The following SCHIP1 variants were observed in gnomAD, a reference collection of about 807,000 sequenced individuals.
SCHIP1 encodes schwannomin-interacting protein 1.
Under a neutral mutation model 29.7 loss-of-function variants are expected in SCHIP1, and 8 were observed. The observed-to-expected ratio is 0.27, with a 90% CI of 0.16 to 0.49. The LOEUF (loss-of-function observed/expected upper bound fraction) is 0.49, where lower values mean the gene tolerates loss of function less well. Among genes scored for constraint, SCHIP1 ranks in the 20% least tolerant of loss-of-function variants. The pLI is 0.99. For synonymous variants in SCHIP1, 76 were observed against 94.9 expected, an observed-to-expected ratio of 0.80 and a Z score of 1.16; for missense variants, 193 against 294.6, an observed-to-expected ratio of 0.66 and a Z score of 2.52.
the SCHIP1 span, among the ~76,000 whole-genome samples, chr3:159,599,098 T>C: frequency 6.6e-6 from 1 of 152,194 alleles, no homozygotes; most frequent in African/African-American, 2.4e-5. Flanking sequence ...AGTCTATAGG[T>C]GACTTTATTG....
At chr3:159,401,470 AATTTT>A in the SCHIP1 span, 8 of 549,854 alleles carry the variant, frequency 1.5e-5, no homozygotes, top group African/African-American at 1.2e-4. Flanking sequence ...GCACAGGCAT[AATTTT>A]ATTTTACCCT....
At chr3:159,320,489 A>G in the SCHIP1 span, among the ~76,000 whole-genome samples, 1 of 152,168 alleles carries the variant, frequency 6.6e-6, no homozygotes, top group Admixed American at 6.5e-5. Context: ...ACTGAGTAAG[A>G]CACTTTGGCT....
At chr3:159,729,655 G>T in the SCHIP1 span, among the ~76,000 whole-genome samples, 1 of 152,092 alleles carries the variant, frequency 6.6e-6, no homozygotes, top group Non-Finnish European at 1.5e-5. Context: ...ATATGTAACT[G>T]AATCTTGATA....
chr3:159,355,394 A>G, the SCHIP1 span, among the ~76,000 whole-genome samples: 1 of 152,154 alleles, frequency 6.6e-6, no homozygotes, highest in South Asian at 2.1e-4. Context: ...CAACGCTGTT[A>G]CTGTGTCAGA....
upstream of SCHIP1, among the ~76,000 whole-genome samples, chr3:159,839,628 C>CTTTTTTTTTTTTTTTTTTTTTTTTTTT: frequency 1.4e-5 from 1 of 71,710 alleles, no homozygotes; most frequent in Non-Finnish European, 2.4e-5. Context: ...AGGTCTTTTT[C>CTTTTTTTTTTTTTTTTTTTTTTTTTTT]TTTTTTTTTT....
the SCHIP1 span, among the ~76,000 whole-genome samples, chr3:159,536,251 C>A: frequency 1.3e-5 from 2 of 152,288 alleles, no homozygotes; most frequent in South Asian, 4.1e-4. Flanking sequence ...TCCCCTCCCC[C>A]ATATCTATTC....
the SCHIP1 span, among the ~76,000 whole-genome samples, chr3:159,298,699 A>G: frequency 6.6e-6 from 1 of 151,986 alleles, no homozygotes; most frequent in Non-Finnish European, 1.5e-5. Flanking sequence ...CAAGTGCTAC[A>G]GAAGCCTCCG....
the SCHIP1 span, among the ~76,000 whole-genome samples, chr3:159,441,674 A>G: frequency 2.6e-5 from 4 of 152,116 alleles, no homozygotes; most frequent in African/African-American, 4.8e-5. Flanking sequence ...AAACACACCA[A>G]TACAAAAATC....
At chr3:159,728,003 T>G in the SCHIP1 span, among the ~76,000 whole-genome samples, 11 of 132,852 alleles carry the variant, frequency 8.3e-5, no homozygotes, top group Non-Finnish European at 1.8e-4. Context: ...CCTGTTTTTG[T>G]TTTTTTTTTT....
At chr3:159,742,979 G>A in the SCHIP1 span, among the ~76,000 whole-genome samples, 4 of 151,578 alleles carry the variant, frequency 2.6e-5, no homozygotes, top group Admixed American at 6.6e-5. Flanking sequence ...GAGCCACCAC[G>A]CCGGGCCTTG....
the SCHIP1 span, among the ~76,000 whole-genome samples, chr3:159,402,262 G>T: frequency 1.1e-4 from 16 of 152,076 alleles, no homozygotes; most frequent in African/African-American, 9.6e-5. Context: ...AATGGCGATC[G>T]TTAAAAAGTC....
chr3:159,418,942 T>C, the SCHIP1 span, among the ~76,000 whole-genome samples: 1 of 152,360 alleles, frequency 6.6e-6, no homozygotes, highest in East Asian at 1.9e-4. Flanking sequence ...TTATGTACTG[T>C]GTGGGTTTAA....
At chr3:159,567,827 C>A in the SCHIP1 span, among the ~76,000 whole-genome samples, 1 of 151,994 alleles carries the variant, frequency 6.6e-6, no homozygotes, top group Non-Finnish European at 1.5e-5. Context: ...TTTTATAATC[C>A]TTGTTTTCAA....
chr3:159,816,976 A>G, the SCHIP1 span, among the ~76,000 whole-genome samples: 1 of 152,164 alleles, frequency 6.6e-6, no homozygotes, highest in African/African-American at 2.4e-5. Context: ...AACCAATTAT[A>G]TATATTGTGC....
At chr3:159,623,482 C>T in the SCHIP1 span, among the ~76,000 whole-genome samples, 13 of 152,138 alleles carry the variant, frequency 8.5e-5, no homozygotes, top group South Asian at 2.7e-3. Context: ...AAAAATTAGC[C>T]GGGCATGGTG....
chr3:159,367,891 C>A, the SCHIP1 span, among the ~76,000 whole-genome samples: 2 of 152,112 alleles, frequency 1.3e-5, no homozygotes, highest in Non-Finnish European at 2.9e-5. Context: ...CATTAAAAAT[C>A]CATGCTTTGG....
At chr3:159,349,994 A>G in the SCHIP1 span, among the ~76,000 whole-genome samples, 1 of 152,142 alleles carries the variant, frequency 6.6e-6, no homozygotes, top group African/African-American at 2.4e-5. Flanking sequence ...TATATCTGTC[A>G]TTGTGTAAAT....
the SCHIP1 span, among the ~76,000 whole-genome samples, chr3:159,313,648 G>C: frequency 6.6e-6 from 1 of 152,088 alleles, no homozygotes; most frequent in African/African-American, 2.4e-5. Flanking sequence ...AGTTATCAAA[G>C]TAAGAAATTC....
the SCHIP1 span, among the ~76,000 whole-genome samples, chr3:159,432,772 C>T: frequency 1.3e-5 from 2 of 152,266 alleles, no homozygotes; most frequent in East Asian, 1.9e-4. Flanking sequence ...TGGCCTCAGA[C>T]AGTACAGGGC....
Sources: gnomAD v4.1 joint callset for allele counts (sites outside exome capture counted in the v4.1 genomes callset) on GRCh38, gnomAD v4.1.1 for gene constraint, MANE v1.5 for transcripts, NCBI Gene and HGNC (gene_info 2026-07-23, HGNC 2026-07-21) for gene names.